FLACC1: variants seen among roughly 807,000 people sequenced by gnomAD.
FLACC1 encodes flagellum-associated coiled-coil domain-containing protein 1.
Under a neutral mutation model 62.8 loss-of-function variants are expected in FLACC1, and 66 were observed. The observed-to-expected ratio is 1.05, with a 90% CI of 0.86 to 1.29. The LOEUF is 1.29. Among genes scored for constraint, FLACC1 ranks in the 50% most tolerant of loss-of-function variants. The probability of loss-of-function intolerance (pLI) is 0.00; values close to 1 mark genes in which losing one functional copy is unlikely to be tolerated. For missense variants in FLACC1, 452 were observed against 489.1 expected, an observed-to-expected ratio of 0.92 and a Z score of 0.71; for synonymous variants, 156 against 161.0, an observed-to-expected ratio of 0.97 and a Z score of 0.24.
intron 1 of FLACC1, chr2:201,352,058 T>C (rs1208479060): frequency 1.3e-5 from 2 of 152,266 alleles, no homozygotes; most frequent in African/African-American, 2.4e-5. Flanking sequence ...ATTGTTATGC[T>C]GATACTATAG....
intron 12 of FLACC1, among the ~76,000 whole-genome samples, chr2:201,291,398 T>G (rs2125532413): frequency 6.6e-6 from 1 of 152,356 alleles, no homozygotes; most frequent in African/African-American, 2.4e-5. Context: ...CCTCCGCTGC[T>G]GATACCCAGG....
At chr2:201,313,467 C>T (rs750256416) in intron 9 of FLACC1, among the ~76,000 whole-genome samples, 41 of 152,188 alleles carry the variant, frequency 2.7e-4, no homozygotes, top group Admixed American at 1.6e-3. Context: ...ACAACCTGCA[C>T]GACACAGCAG....
At chr2:201,353,160 C>T (rs1027955376) in intron 1 of FLACC1, among the ~76,000 whole-genome samples, 2 of 152,002 alleles carry the variant, frequency 1.3e-5, no homozygotes, top group African/African-American at 4.8e-5. Flanking sequence ...ACATAGAAAC[C>T]TAAGAAAATA....
intron 9 of FLACC1, among the ~76,000 whole-genome samples, chr2:201,323,153 G>A (rs1950437027): frequency 1.3e-5 from 2 of 152,196 alleles, no homozygotes; most frequent in Non-Finnish European, 2.9e-5. Context: ...AAAATAACAA[G>A]TCTGGAAAAC....
intron 7 of FLACC1, among the ~76,000 whole-genome samples, chr2:201,335,009 AAGTC>A (rs1287407672): frequency 2.0e-5 from 3 of 152,056 alleles, no homozygotes; most frequent in Admixed American, 6.6e-5. Context: ...TTTTATGATT[AAGTC>A]TTGGCAGGTT....
At position 201,346,596 on chromosome 2, in the gene FLACC1, A is replaced by T. The variant is rs781086416; in HGVS notation, c.314T>A (p.Phe105Tyr). Residue 105 changes from phenylalanine to tyrosine, a missense_variant, in exon 5 of 15, where the codon TTT becomes TAT. By Grantham distance (22) the Phe-to-Tyr change is conservative. Transcript: ENST00000392257. This position sits in a 1 kb window ranked among gnomAD's most constrained non-coding sequence, Gnocchi z 4.0. ...QISVTLGDEM[F>Y]DRKKRWESEI... is the part of the protein sequence containing the mutation. ...CGATTCCCACCGCTTTTTCCTATCA[A>T]ACATCTCATCCCCTAAGGTGACAGA... The T allele has an allele frequency of 1.2e-6, 2 of 1,614,196 alleles. No individual in the cohort carries two copies. Among genetic ancestry groups the T allele is most frequent in the East Asian group, 4.5e-5 (2 of 44,882 alleles).
At chr2:201,317,695 A>T (rs1243287875) in intron 9 of FLACC1, among the ~76,000 whole-genome samples, 1 of 152,166 alleles carries the variant, frequency 6.6e-6, no homozygotes, top group South Asian at 2.1e-4. Context: ...ACTAGAAAAA[A>T]AACTCCTTAA....
At chr2:201,339,997 G>T (rs1950774288) in intron 7 of FLACC1, among the ~76,000 whole-genome samples, 1 of 152,138 alleles carries the variant, frequency 6.6e-6, no homozygotes, top group South Asian at 2.1e-4. Context: ...ATTGGCAATG[G>T]CTATGAGAAG....
intron 9 of FLACC1, among the ~76,000 whole-genome samples, chr2:201,323,784 C>CAAAA (rs71022362): frequency 2.8e-4 from 15 of 52,764 alleles, no homozygotes; most frequent in Admixed American, 1.7e-3. Context: ...CAGACTCTAT[C>CAAAA]AAAAAAAAAA....
chr2:201,351,478 G>C (rs1951028313), intron 1 of FLACC1, 27 bp from the exon 2 acceptor site: 2 of 1,138,150 alleles, frequency 1.8e-6, no homozygotes, highest in East Asian at 4.7e-5. Context: ...ACAGCAGAAG[G>C]TTAAACCATT....
intron 9 of FLACC1, among the ~76,000 whole-genome samples, chr2:201,322,231 T>A (rs1950417195): frequency 6.9e-6 from 1 of 145,196 alleles, no homozygotes; most frequent in South Asian, 2.2e-4. Context: ...GACACTGCAC[T>A]CCAGCCTGGG....
In FLACC1 at chr2:201,317,499, T is replaced by C. The variant is rs1950327944; in HGVS notation, c.676-8249A>G. On this transcript the variant is annotated intron_variant, in intron 9 of 14. Transcript: ENST00000392257. Reference sequence around the variant, plus strand: ...TTTGGACTATACCTAACCAAGGAGTTGTAAGACCTGTACAAGGAAAACTAT... The same window carrying C: ...TTTGGACTATACCTAACCAAGGAGTCGTAAGACCTGTACAAGGAAAACTAT... Among the ~76,000 whole-genome samples the C allele has an allele frequency of 3.9e-5, 6 of 152,286 alleles. No individual in the cohort carries two copies. In the South Asian group the frequency reaches 1.2e-3, roughly 32 times the overall value.
chr2:201,317,914 C>A (rs1950335024), intron 9 of FLACC1, among the ~76,000 whole-genome samples: 1 of 152,150 alleles, frequency 6.6e-6, no homozygotes, highest in Non-Finnish European at 1.5e-5. Context: ...ACCAATGGAA[C>A]AGAACAGTGA....
chr2:201,307,826 A>T (rs182819805), intron 10 of FLACC1, among the ~76,000 whole-genome samples: 3 of 152,308 alleles, frequency 2.0e-5, no homozygotes, highest in Admixed American at 1.3e-4. Context: ...CACATTAGTC[A>T]TATGGGATTT....
rs928360440 is a variant in FLACC1 at position 201,322,480 on chromosome 2, C to T, written c.675+7990G>A. 7.9e-5 allele frequency among the ~76,000 whole-genome samples: 12 copies of T among 152,186 alleles called. No individual in the cohort carries two copies. The South Asian group carries it at 2.5e-3, about 32-fold the overall frequency. On this transcript the variant is annotated intron_variant, in intron 9 of 14. Transcript: ENST00000392257. ...AACCAAGGAACTATTACAGAGTCTT[C>T]ACCCCTGAAAGCACCAAAAACCAAA...
chr2:201,347,794 C>T (rs891411928), intron 4 of FLACC1, among the ~76,000 whole-genome samples: 3 of 152,344 alleles, frequency 2.0e-5, no homozygotes, highest in Admixed American at 6.5e-5. Flanking sequence ...CCAGAAGGGT[C>T]GGGCCCACAC....
At chr2:201,344,435 C>T (rs1950874602) in intron 5 of FLACC1, among the ~76,000 whole-genome samples, 172 bp from the exon 6 acceptor site, 1 of 152,156 alleles carries the variant, frequency 6.6e-6, no homozygotes, top group African/African-American at 2.4e-5. Flanking sequence ...GGTGGTCTTA[C>T]AGAAGGCATT....
chr2:201,288,795 G>GGAAA lies in FLACC1; in HGVS notation c.1143-18_1143-15dup, dbSNP rs771393555. 6.2e-7 allele frequency: 1 copy of GGAAA among 1,611,698 alleles called. No individual in the cohort carries two copies. The highest frequency in any genetic ancestry group is 8.5e-7 in the Non-Finnish European group (1 of 1,179,752). On this transcript the variant is annotated splice_polypyrimidine_tract_variant and intron_variant, in intron 14 of 14. Transcript: ENST00000392257. ...ATTATCTTTTGCCTGTAAAAAGAAAGGAAAGATGTATCAATGTCAACTCAA... is the reference window on the plus strand; with the variant it reads ...ATTATCTTTTGCCTGTAAAAAGAAAGGAAAGAAAGATGTATCAATGTCAACTCAA...
intron 11 of FLACC1, among the ~76,000 whole-genome samples, chr2:201,305,304 A>G (rs1297798080): frequency 1.3e-5 from 2 of 152,236 alleles, no homozygotes; most frequent in African/African-American, 4.8e-5. Flanking sequence ...AAAAGAAGAC[A>G]TTTATGCAGC....
Sources: allele counts gnomAD v4.1 joint callset (sites outside exome capture counted in the v4.1 genomes callset), GRCh38; gene constraint gnomAD v4.1.1; non-coding constraint Gnocchi (gnomAD v3.1); transcripts MANE v1.5; gene names NCBI Gene and HGNC (gene_info 2026-07-23, HGNC 2026-07-21).